Variants in KNDC1 observed in about 807,000 individuals in gnomAD.
KNDC1 encodes the protein kinase non-catalytic C-lobe domain containing 1.
Under a neutral mutation model 172.8 loss-of-function variants are expected in KNDC1, and 106 were observed. That is an observed-to-expected ratio of 0.61 (90% CI 0.52 to 0.72). KNDC1 has a LOEUF of 0.72. Ranked by LOEUF, KNDC1 falls within the 30% of genes least tolerant of loss-of-function variation. The probability of loss-of-function intolerance (pLI) is 0.00; values close to 1 mark genes in which losing one functional copy is unlikely to be tolerated. For synonymous variants in KNDC1, 1,083 were observed against 1,062.2 expected, an observed-to-expected ratio of 1.02 and a Z score of -0.38; for missense variants, 2,325 against 2,394.5, an observed-to-expected ratio of 0.97 and a Z score of 0.61.
chr10:133,181,603 G>A (rs1853718116), intron 3 of KNDC1, among the ~76,000 whole-genome samples: 1 of 152,200 alleles, frequency 6.6e-6, no homozygotes, highest in African/African-American at 2.4e-5. Flanking sequence ...GGAGAGGGTA[G>A]AGGAGAAGCA....
chr10:133,207,827 G>A (rs567656312), intron 20 of KNDC1, among the ~76,000 whole-genome samples: 17 of 152,320 alleles, frequency 1.1e-4, no homozygotes, highest in Admixed American at 9.1e-4. Context: ...GTGTGCGTAC[G>A]TACGCCTGCA....
rs753685630 is a variant in KNDC1, at chr10:133,183,355, C to T, written c.372C>T (p.Tyr124=). The T allele has an allele frequency of 6.3e-7, 1 of 1,596,148 alleles. No individual in the cohort carries two copies. The highest frequency in any genetic ancestry group is 8.5e-7 in the Non-Finnish European group (1 of 1,172,924). ...VTGNTFEAHI[Y]SLGATLKAAL... ...TGTCGTGCCCACAGGCGCACATCTA[C>T]TCTCTGGGGGCCACGCTGAAGGCCG... The change falls in exon 4 of 30, where the codon TAC becomes TAT. Residue 124 remains tyrosine, a synonymous_variant. Transcript: ENST00000304613.
chr10:133,181,384 A>C (rs2135968838), intron 3 of KNDC1, among the ~76,000 whole-genome samples: 1 of 152,356 alleles, frequency 6.6e-6, no homozygotes, highest in South Asian at 2.1e-4. Flanking sequence ...AGTTGGCAGC[A>C]GAGCAGCTAT....
chr10:133,197,013 G>A (rs373616983), intron 10 of KNDC1, 45 bp from the exon 11 acceptor site: 77 of 1,496,104 alleles, frequency 5.1e-5, no homozygotes, highest in East Asian at 5.0e-4. Flanking sequence ...CGGTGCAGCC[G>A]TGGCTGAGGC....
In KNDC1 at chr10:133,211,706, C is replaced by A; in HGVS notation, c.4084C>A (p.His1362Asn). 6.2e-7 allele frequency: 1 copy of A among 1,604,158 alleles called. No homozygotes were observed. The highest frequency in any genetic ancestry group is 1.3e-5 in the African/African-American group (1 of 74,696). Residue 1362 changes from histidine (H) to asparagine (N), a missense_variant, in exon 23 of 30, where the codon CAC (histidine) becomes AAC (asparagine). Physicochemically the swap from His to Asn is moderately conservative, Grantham distance 68. Coordinates refer to ENST00000304613, the MANE Select transcript of KNDC1 (RefSeq NM_152643.8). Reference protein sequence around the residue: ...KILPLDGSAKHLLGLLEVGMD... With the variant: ...KILPLDGSAKNLLGLLEVGMD... The stretch of plus-strand genomic sequence containing the variant: ...CCTACCCCTGGACGGCTCTGCCAAG[C>A]ACCTGCTGGGCCTCCTGGAGGTGGG...
rs559275455 is a variant in KNDC1 at position 133,188,355 on chromosome 10, T to G, written c.1327-184T>G. Among the ~76,000 whole-genome samples the G allele has an allele frequency of 3.9e-5, 6 of 152,228 alleles. No homozygotes were observed. In the South Asian group the frequency reaches 8.3e-4, roughly 21 times the overall value. On this transcript the variant is annotated intron_variant, in intron 6 of 29. Transcript: ENST00000304613. The stretch of plus-strand genomic sequence containing the variant: ...ACCCACAGGGCCAAGGGCCCCAGTC[T>G]CCCCACGGCCCCCACACGCTGGAGT...
chr10:133,201,364 G>C (rs1013835958), intron 16 of KNDC1, 137 bp from the exon 17 acceptor site: 1 of 932,130 alleles, frequency 1.1e-6, no homozygotes, highest in Non-Finnish European at 1.6e-6. Flanking sequence ...AGCCGTGCCC[G>C]GGGGGCGCCC....
Position 133,186,655 on chromosome 10 carries a change from A to G in KNDC1, c.1307A>G (p.Glu436Gly), listed in dbSNP as rs3810964. 747,407 of 1,586,914 alleles carry G rather than the reference A, an allele frequency of 0.47. 182,851 individuals carry two copies. The highest frequency in any genetic ancestry group is 0.64 in the South Asian group (56,878 of 89,486). The change falls in exon 6 of 30, where the codon GAA (glutamate) becomes GGA (glycine). Residue 436 changes from glutamate (E) to glycine (G), a missense_variant. Physicochemically the swap from Glu to Gly is moderately conservative, Grantham distance 98. Transcript: ENST00000304613. ...ERIPEGARQL[E>G]SAAAEQWVSL... ...ATTCCAGAAGGAGCTAGGCAGCTGG[A>G]AAGTGCAGCCGCGGAGCAGGTGGGT...
At chr10:133,188,149 C>T (rs935392965) in intron 6 of KNDC1, among the ~76,000 whole-genome samples, 6 of 152,194 alleles carry the variant, frequency 3.9e-5, no homozygotes, top group Admixed American at 1.3e-4. Flanking sequence ...GGGTGCTCCC[C>T]GTGTTGGCTA....
rs534982186 is a variant in KNDC1 at position 133,206,935 on chromosome 10, G to C, written c.3561G>C (p.Leu1187Phe). The change falls in exon 19 of 30, where the codon TTG becomes TTC. Residue 1187 changes from leucine to phenylalanine, a missense_variant. Leu to Phe is a conservative substitution (Grantham distance 22). Coordinates refer to ENST00000304613, the MANE Select transcript of KNDC1 (RefSeq NM_152643.8). ...EMKSRVQFLSLVKKYLQVMYA... is the reference protein window; with the variant it reads ...EMKSRVQFLSFVKKYLQVMYA... ...AATCCAGGGTGCAATTCCTCAGCTTGGTCAAGAAGTATCTGCAGGCAAGTG... is the reference window on the plus strand; with the variant it reads ...AATCCAGGGTGCAATTCCTCAGCTTCGTCAAGAAGTATCTGCAGGCAAGTG... 1.8e-5 allele frequency: 29 copies of C among 1,614,038 alleles called. No individual in the cohort carries two copies. The East Asian group carries it at 6.2e-4, about 35-fold the overall frequency.
rs757729715 is a variant in KNDC1 at position 133,211,806 on chromosome 10, G to A, written c.4184G>A (p.Arg1395Lys). The A allele has an allele frequency of 6.2e-7, 1 of 1,610,526 alleles. No homozygotes were observed. The highest frequency in any genetic ancestry group is 2.2e-5 in the East Asian group (1 of 44,866). Reference protein sequence around the residue: ...ENPREAEEDARPFNALCKRLS... With the variant: ...ENPREAEEDAKPFNALCKRLS... ...CCCAGGGAGGCCGAGGAGGATGCCA[G>A]ACCCTTCAACGCCCTCTGTAAGAGG... Residue 1395 changes from arginine (R) to lysine (K), a missense_variant, in exon 23 of 30, where the codon AGA (arginine) becomes AAA (lysine). Coordinates refer to ENST00000304613, the MANE Select transcript of KNDC1 (RefSeq NM_152643.8).
intron 9 of KNDC1, among the ~76,000 whole-genome samples, chr10:133,190,688 G>A (rs1021435132): frequency 2.0e-5 from 3 of 152,202 alleles, no homozygotes; most frequent in South Asian, 2.1e-4. Flanking sequence ...CCAAACCATC[G>A]AAGGCTTTCC....
intron 15 of KNDC1, 125 bp downstream of exon 15, chr10:133,199,727 C>T: frequency 6.3e-6 from 7 of 1,119,492 alleles, no homozygotes; most frequent in Non-Finnish European, 2.5e-6. Flanking sequence ...CTGCTGTCTC[C>T]AGAGGGGCTA....
At chr10:133,173,431 G>A (rs1355295188) in intron 3 of KNDC1, among the ~76,000 whole-genome samples, 2 of 152,132 alleles carry the variant, frequency 1.3e-5, no homozygotes, top group African/African-American at 4.8e-5. Flanking sequence ...TCCTCAACCT[G>A]TAGGTTTTGT....
chr10:133,181,365 G>A (rs1853712071), intron 3 of KNDC1, among the ~76,000 whole-genome samples: 1 of 152,240 alleles, frequency 6.6e-6, no homozygotes, highest in Non-Finnish European at 1.5e-5. Context: ...TGGCACAGGA[G>A]ACCCCAGGAG....
chr10:133,189,714 C>T (rs372257745), intron 8 of KNDC1, 38 bp from the exon 9 acceptor site: 10 of 1,613,890 alleles, frequency 6.2e-6, no homozygotes, highest in Non-Finnish European at 8.5e-6. Context: ...CACCGGCTCG[C>T]CAGGGGTGAG....
intron 17 of KNDC1, among the ~76,000 whole-genome samples, chr10:133,205,972 G>A (rs1845180742): frequency 6.6e-6 from 1 of 152,180 alleles, no homozygotes; most frequent in South Asian, 2.1e-4. Context: ...AGGCCGAGGC[G>A]GGCAGATCAC....
Position 133,209,473 on chromosome 10 carries a change from T to C in KNDC1, c.3795-1138T>C, listed in dbSNP as rs1315422336. On this transcript the variant is annotated intron_variant, in intron 20 of 29. Coordinates refer to ENST00000304613, the MANE Select transcript of KNDC1 (RefSeq NM_152643.8). The surrounding 1 kb of genome is among the most constrained non-coding windows in gnomAD (Gnocchi z 4.9). The stretch of plus-strand genomic sequence containing the variant: ...GGTGTGGGGTATAGTGTGGCTTGTG[T>C]GCGCGTGTGTGGTGTGCGCGTCTGG... 6.6e-6 allele frequency among the ~76,000 whole-genome samples: 1 copy of C among 151,216 alleles called. No individual in the cohort carries two copies. The highest frequency in any genetic ancestry group is 1.5e-5 in the Non-Finnish European group (1 of 67,806).
In KNDC1 at chr10:133,210,675, C is replaced by G; in HGVS notation, c.3859C>G (p.His1287Asp). The stretch of plus-strand genomic sequence containing the variant: ...CACCTTCCGCTACTTCTGCACACCC[C>G]ACGACTTCCTGCACTTCCTCCTCGA... ...LYTFRYFCTPHDFLHFLLDRI... is the reference protein window; with the variant it reads ...LYTFRYFCTPDDFLHFLLDRI... Residue 1287 changes from histidine (H) to aspartate (D), a missense_variant, in exon 21 of 30, where the codon CAC becomes GAC. Transcript: ENST00000304613. The G allele has an allele frequency of 6.2e-7, 1 of 1,614,148 alleles. No individual in the cohort carries two copies. The highest frequency in any genetic ancestry group is 8.5e-7 in the Non-Finnish European group (1 of 1,179,978).
Sources: gnomAD v4.1 joint callset for allele counts (sites outside exome capture counted in the v4.1 genomes callset) on GRCh38, gnomAD v4.1.1 for gene constraint, Gnocchi (gnomAD v3.1) non-coding constraint, MANE v1.5 for transcripts, NCBI Gene and HGNC (gene_info 2026-07-23, HGNC 2026-07-21) for gene names.